The following ALMS1 variants were observed in gnomAD, a reference collection of about 807,000 sequenced individuals.
The protein encoded by ALMS1 is ALMS1 centrosome and basal body associated protein.
ALMS1 carries 271 observed loss-of-function variants against 352.2 expected under a neutral mutation model. The ratio of observed to expected loss-of-function variants is 0.77; its 90% CI spans 0.70 to 0.85. The LOEUF (loss-of-function observed/expected upper bound fraction) is 0.85. ALMS1 is among the 40% of genes least tolerant of loss of function. The pLI is 0.00. For synonymous variants in ALMS1, 1,865 were observed against 1,761.2 expected, an observed-to-expected ratio of 1.06 and a Z score of -1.48; for missense variants, 5,445 against 4,870.7, an observed-to-expected ratio of 1.12 and a Z score of -3.51.
Position 73,448,200 on chromosome 2 carries a change from C to T in ALMS1, c.1673C>T (p.Pro558Leu). 6.2e-7 allele frequency: 1 copy of T among 1,614,054 alleles called. No homozygotes were observed. Among genetic ancestry groups the T allele is most frequent in the Non-Finnish European group, 8.5e-7 (1 of 1,179,926 alleles). The change falls in exon 8 of 23, where the codon CCT (proline) becomes CTT (leucine). Residue 558 changes from proline (P) to leucine (L), a missense_variant. Coordinates refer to ENST00000613296, the MANE Select transcript of ALMS1 (RefSeq NM_001378454.1). ...GAGACTCTGAAAGTCACAGCTATTC[C>T]TGAACCAGCTGACCAGAAGACTGCA... ...TEETLKVTAI[P>L]EPADQKTATP...
Position 73,453,232 on chromosome 2 carries a change from AC to A in ALMS1, c.6707del (p.Pro2236GlnfsTer31), listed in dbSNP as rs767619344. 6.2e-7 allele frequency: 1 copy of A among 1,614,024 alleles called. No homozygotes were observed. The highest frequency in any genetic ancestry group is 1.3e-5 in the African/African-American group (1 of 75,042). On this transcript the variant is annotated frameshift_variant, in exon 8 of 23. Transcript: ENST00000613296. LOFTEE classifies it high-confidence loss of function. ...QADDRVVINK[P>X]ESAGFRDVGS... ...CTGATGACAGAGTTGTAATAAATAA[AC>A]CAGAATCTGCAGGTTTTAGAGATGT... is the stretch of plus-strand genomic sequence containing the variant.
At chr2:73,435,178 T>A (rs1188663924) in intron 7 of ALMS1, among the ~76,000 whole-genome samples, 2 of 152,190 alleles carry the variant, frequency 1.3e-5, no homozygotes, top group Admixed American at 1.3e-4. Flanking sequence ...AAATCTTGAG[T>A]TTTTAATTTT....
Position 73,600,834 on chromosome 2 carries a change from A to C in ALMS1, c.11825A>C (p.Tyr3942Ser). The change falls in exon 18 of 23, where the codon TAT becomes TCT. Residue 3942 changes from tyrosine to serine, a missense_variant. Coordinates refer to ENST00000613296, the MANE Select transcript of ALMS1 (RefSeq NM_001378454.1). ...GAAGAGAAAATGCTCTTTACCGGTT[A>C]TCCTGAGGACAGAAAGTTAAAAAAG... is the stretch of plus-strand genomic sequence containing the variant. ...KREEKMLFTG[Y>S]PEDRKLKKNK... The C allele has an allele frequency of 6.2e-7, 1 of 1,614,246 alleles. No individual in the cohort carries two copies. Among genetic ancestry groups the C allele is most frequent in the Non-Finnish European group, 8.5e-7 (1 of 1,180,036 alleles).
intron 21 of ALMS1, among the ~76,000 whole-genome samples, chr2:73,608,126 C>T (rs778914113): frequency 4.6e-5 from 7 of 152,166 alleles, no homozygotes; most frequent in Admixed American, 6.5e-5. Flanking sequence ...ACAATAGTAA[C>T]GCTGTTCATT....
At chr2:73,588,394 C>T (rs529857326) in intron 16 of ALMS1, among the ~76,000 whole-genome samples, 10 of 152,140 alleles carry the variant, frequency 6.6e-5, no homozygotes, top group Non-Finnish European at 1.2e-4. Context: ...CCCTCGTTCT[C>T]TCTGGTTCCC....
At chr2:73,560,833 A>G (rs1674644190) in intron 15 of ALMS1, among the ~76,000 whole-genome samples, 1 of 152,200 alleles carries the variant, frequency 6.6e-6, no homozygotes, top group South Asian at 2.1e-4. Context: ...GATAAATACC[A>G]TATGGTTTCT....
chr2:73,500,362 T>C (rs1673195076), intron 10 of ALMS1, among the ~76,000 whole-genome samples: 1 of 152,180 alleles, frequency 6.6e-6, no homozygotes, highest in Admixed American at 6.5e-5. Flanking sequence ...CTAGGTACTT[T>C]TATCCCTTTT....
chr2:73,488,699 C>T (rs1572968028), intron 9 of ALMS1, among the ~76,000 whole-genome samples: 1 of 152,340 alleles, frequency 6.6e-6, no homozygotes, highest in East Asian at 1.9e-4. Context: ...AAAAATATAT[C>T]TACTCCATCA....
At chr2:73,387,702 ATAAGT>A (rs547301805) in intron 1 of ALMS1, among the ~76,000 whole-genome samples, 1 of 152,162 alleles carries the variant, frequency 6.6e-6, no homozygotes, top group Non-Finnish European at 1.5e-5. Context: ...GGGATGTATG[ATAAGT>A]TAGGTGTTTC....
Position 73,547,957 on chromosome 2 carries a change from A to G in ALMS1, c.9908-2310A>G, listed in dbSNP as rs915104683. ...TTCTCCTAGATTTGGTGATAGGAGT[A>G]TGGAGAGTGAGGGAGAAGAGCGTGA... On this transcript the variant is annotated intron_variant, in intron 12 of 22. Coordinates refer to ENST00000613296, the MANE Select transcript of ALMS1 (RefSeq NM_001378454.1). 8.5e-5 allele frequency among the ~76,000 whole-genome samples: 13 copies of G among 152,276 alleles called. No individual in the cohort carries two copies. In the East Asian group the frequency reaches 2.1e-3, roughly 25 times the overall value.
At chr2:73,592,510 G>T (rs1675454558) in intron 16 of ALMS1, among the ~76,000 whole-genome samples, 1 of 152,170 alleles carries the variant, frequency 6.6e-6, no homozygotes, top group Non-Finnish European at 1.5e-5. Context: ...GACTCTGACT[G>T]TTTTATCAAT....
chr2:73,465,635 A>G (rs1672320311), intron 9 of ALMS1, among the ~76,000 whole-genome samples: 1 of 152,118 alleles, frequency 6.6e-6, no homozygotes, highest in Admixed American at 6.6e-5. Flanking sequence ...AAAATTGACA[A>G]ATGGGATCTA....
At chr2:73,554,194 A>G (rs1461130166) in intron 13 of ALMS1, among the ~76,000 whole-genome samples, 1 of 152,054 alleles carries the variant, frequency 6.6e-6, no homozygotes, top group Non-Finnish European at 1.5e-5. Context: ...GACTAAAGAA[A>G]AGCTAGTGTT....
intron 10 of ALMS1, among the ~76,000 whole-genome samples, chr2:73,509,894 A>G (rs1673413941): frequency 1.3e-5 from 2 of 152,182 alleles, no homozygotes; most frequent in South Asian, 2.1e-4. Context: ...TTTCAGGTAC[A>G]CCAATCAAAC....
Position 73,450,677 on chromosome 2 carries a change from C to A in ALMS1, c.4150C>A (p.His1384Asn), listed in dbSNP as rs1228297685. Reference protein sequence around the residue: ...PTVTSTSYSQHTEKPSIFYQQ... With the variant: ...PTVTSTSYSQNTEKPSIFYQQ... ...TGTAACCTCTACTTCTTACTCACAA[C>A]ATACAGAGAAGCCGAGTATTTTCTA... Residue 1384 changes from histidine (H) to asparagine (N), a missense_variant, in exon 8 of 23, where the codon CAT becomes AAT. By Grantham distance (68) the His-to-Asn change is moderately conservative. Transcript: ENST00000613296. 3.1e-6 allele frequency: 5 copies of A among 1,612,436 alleles called. No individual in the cohort carries two copies. The highest frequency in any genetic ancestry group is 4.2e-6 in the Non-Finnish European group (5 of 1,179,638).
chr2:73,401,681 C>CT (rs530310149), intron 1 of ALMS1, among the ~76,000 whole-genome samples: 2,179 of 143,238 alleles, frequency 0.015, 50 homozygotes, highest in South Asian at 0.076. Flanking sequence ...TAGTTACTGC[C>CT]TTTTTTTTTT....
chr2:73,405,509 T>G (rs1215425111), intron 1 of ALMS1, among the ~76,000 whole-genome samples: 1 of 152,088 alleles, frequency 6.6e-6, no homozygotes, highest in Non-Finnish European at 1.5e-5. Context: ...TTGTCAGTTT[T>G]GTTTATATTT....
chr2:73,428,410 G>T (rs1014214598), intron 6 of ALMS1, among the ~76,000 whole-genome samples: 6 of 151,882 alleles, frequency 4.0e-5, no homozygotes, highest in Non-Finnish European at 1.5e-5. Context: ...TGAAACTAAG[G>T]TTAAGATTTT....
At chr2:73,414,270 T>C (rs148618932) in intron 2 of ALMS1, among the ~76,000 whole-genome samples, 1 of 152,248 alleles carries the variant, frequency 6.6e-6, no homozygotes, top group East Asian at 1.9e-4. Flanking sequence ...TTTAGAAATT[T>C]CTATTTCCTA....
Sources: gnomAD v4.1 joint callset for allele counts (sites outside exome capture counted in the v4.1 genomes callset) on GRCh38, gnomAD v4.1.1 for gene constraint, MANE v1.5 for transcripts, NCBI Gene and HGNC (gene_info 2026-07-23, HGNC 2026-07-21) for gene names.